SLIT2: variants seen among roughly 807,000 people sequenced by gnomAD.
SLIT2 encodes the protein slit guidance ligand 2.
In SLIT2, 41 loss-of-function variants were observed where a neutral mutation model predicts 185.7. The ratio of observed to expected loss-of-function variants is 0.22; its 90% CI spans 0.17 to 0.29. The LOEUF (loss-of-function observed/expected upper bound fraction) is 0.29, where lower values mean the gene tolerates loss of function less well. Among genes scored for constraint, SLIT2 ranks in the 10% least tolerant of loss-of-function variants. The pLI is 1.00. For synonymous variants in SLIT2, 693 were observed against 680.2 expected, an observed-to-expected ratio of 1.02 and a Z score of -0.29; for missense variants, 1,571 against 1,909.0, an observed-to-expected ratio of 0.82 and a Z score of 3.30.
chr4:20,470,177 A>G (rs950405522), intron 5 of SLIT2, among the ~76,000 whole-genome samples: 2 of 152,172 alleles, frequency 1.3e-5, no homozygotes, highest in African/African-American at 4.8e-5. Flanking sequence ...TTTCATTTGC[A>G]AGTATTTGAC....
Position 20,553,988 on chromosome 4 carries a change from G to A in SLIT2, c.2725+20G>A. On this transcript the variant is annotated intron_variant, in intron 26 of 36. Transcript: ENST00000504154. ...GTCAAGGTATGGTTTTTAATCATTT[G>A]TATTTCTTTTAAGAATTACTATATT... The A allele has an allele frequency of 6.4e-7, 1 of 1,551,054 alleles. No individual in the cohort carries two copies. The highest frequency in any genetic ancestry group is 1.2e-5 in the South Asian group (1 of 80,920).
At chr4:20,408,714 ATGAGTGAGC>A (rs1270518322) in intron 4 of SLIT2, among the ~76,000 whole-genome samples, 1 of 152,144 alleles carries the variant, frequency 6.6e-6, no homozygotes, top group Non-Finnish European at 1.5e-5. Flanking sequence ...TGAGTAAATG[ATGAGTGAGC>A]TGCAGTCTGA....
chr4:20,554,639 A>G (rs561801439), intron 26 of SLIT2, among the ~76,000 whole-genome samples: 2 of 152,300 alleles, frequency 1.3e-5, no homozygotes, highest in East Asian at 1.9e-4. Flanking sequence ...AACGACTACT[A>G]AAGTTATTGT....
chr4:20,566,452 C>T (rs1725098883), intron 26 of SLIT2, among the ~76,000 whole-genome samples: 3 of 152,036 alleles, frequency 2.0e-5, no homozygotes, highest in Admixed American at 2.0e-4. Flanking sequence ...CATTGTTAGT[C>T]ATTTGTCCAA....
In SLIT2 at chr4:20,257,858, T is replaced by C. The variant is rs373671254; in HGVS notation, c.252-10T>C. On this transcript the variant is annotated splice_polypyrimidine_tract_variant and intron_variant, in intron 2 of 36. Coordinates refer to ENST00000504154, the MANE Select transcript of SLIT2 (RefSeq NM_004787.4). ...TAACATTAAGAAGCATGTTATATTTTGCATTTCAGTCAGCTTATGGAGAAT... is the reference window on the plus strand; with the variant it reads ...TAACATTAAGAAGCATGTTATATTTCGCATTTCAGTCAGCTTATGGAGAAT... The C allele has an allele frequency of 6.9e-7, 1 of 1,448,734 alleles. No homozygotes were observed. The allele number at this position is 1,448,734 out of a possible 1,614,324, so 89.7% of individuals were successfully genotyped here.
At chr4:20,478,619 T>C (rs570348871) in intron 5 of SLIT2, among the ~76,000 whole-genome samples, 115 of 152,326 alleles carry the variant, frequency 7.5e-4, no homozygotes, top group African/African-American at 2.5e-3. Flanking sequence ...TAATAAGATA[T>C]GGGCAAACAT....
intron 4 of SLIT2, among the ~76,000 whole-genome samples, chr4:20,368,245 AAAG>A (rs1723288856): frequency 6.6e-6 from 1 of 150,590 alleles, no homozygotes; most frequent in South Asian, 2.1e-4. Flanking sequence ...GAAAAAAAAG[AAAG>A]AAAAAAGAGA....
intron 4 of SLIT2, among the ~76,000 whole-genome samples, chr4:20,311,938 T>C (rs1284907504): frequency 1.3e-5 from 2 of 152,214 alleles, no homozygotes; most frequent in African/African-American, 4.8e-5. Flanking sequence ...TGTTTACTGC[T>C]GTAAGCCACT....
chr4:20,394,256 C>T (rs1016889042), intron 4 of SLIT2, among the ~76,000 whole-genome samples: 1 of 151,634 alleles, frequency 6.6e-6, no homozygotes, highest in African/African-American at 2.4e-5. Flanking sequence ...GAAAATAAAG[C>T]CTTGAAAATT....
At chr4:20,432,572 GACTT>G (rs1729075431) in intron 4 of SLIT2, among the ~76,000 whole-genome samples, 1 of 149,644 alleles carries the variant, frequency 6.7e-6, no homozygotes, top group South Asian at 2.1e-4. Context: ...GAAGCAAAGT[GACTT>G]ACTTAATTTT....
At chr4:20,609,857 T>A (rs1010627796) in intron 33 of SLIT2, among the ~76,000 whole-genome samples, 156 bp from the exon 34 acceptor site, 1 of 152,198 alleles carries the variant, frequency 6.6e-6, no homozygotes, top group African/African-American at 2.4e-5. Flanking sequence ...TGAAAATGCC[T>A]ATTTTTGAAA....
chr4:20,595,702 A>T lies in SLIT2; in HGVS notation c.3188A>T (p.Asp1063Val), dbSNP rs1727920401. 6.2e-7 allele frequency: 1 copy of T among 1,613,956 alleles called. No homozygotes were observed. The highest frequency in any genetic ancestry group is 8.5e-7 in the Non-Finnish European group (1 of 1,179,902). The stretch of plus-strand genomic sequence containing the variant: ...TTACCTGCTTGTTCCAACAGATGTG[A>T]CTGCACACCAGGGTACGTAGGTGAA... ...CILTPKGFKC[D>V]CTPGYVGEHC... The change falls in exon 31 of 37, where the codon GAC becomes GTC. Residue 1063 changes from aspartate (D) to valine (V), a missense_variant. Around this residue, in one of 3 missense-constraint regions of SLIT2, gnomAD observed 1,202 missense variants for 1,416.4 expected, o/e 0.85. Coordinates refer to ENST00000504154, the MANE Select transcript of SLIT2 (RefSeq NM_004787.4).
intron 4 of SLIT2, among the ~76,000 whole-genome samples, chr4:20,328,089 C>G (rs531934979): frequency 6.6e-6 from 1 of 151,954 alleles, no homozygotes; most frequent in African/African-American, 2.4e-5. Context: ...CTTAGAACTA[C>G]CCTACAAGGT....
At chr4:20,589,991 C>T (rs1335160860) in intron 30 of SLIT2, among the ~76,000 whole-genome samples, 2 of 150,164 alleles carry the variant, frequency 1.3e-5, no homozygotes, top group Admixed American at 1.3e-4. Flanking sequence ...CTACAACCTC[C>T]TCCTCCCAGG....
At chr4:20,582,497 C>T (rs1726670323) in intron 29 of SLIT2, among the ~76,000 whole-genome samples, 1 of 152,178 alleles carries the variant, frequency 6.6e-6, no homozygotes, top group South Asian at 2.1e-4. Flanking sequence ...TGCTATCAAT[C>T]AGAACATGTT....
intron 3 of SLIT2, among the ~76,000 whole-genome samples, chr4:20,267,436 G>C (rs751817589): frequency 6.6e-6 from 1 of 151,696 alleles, no homozygotes; most frequent in African/African-American, 2.4e-5. Context: ...ACTTCTTTCT[G>C]AGTTCACATA....
At chr4:20,316,618 G>GA (rs538252588) in intron 4 of SLIT2, among the ~76,000 whole-genome samples, 118 of 151,670 alleles carry the variant, frequency 7.8e-4, no homozygotes, top group South Asian at 3.3e-3. Flanking sequence ...AAATCTCTGT[G>GA]AAAGTATTGC....
intron 34 of SLIT2, among the ~76,000 whole-genome samples, chr4:20,613,078 T>G (rs1031626784): frequency 6.6e-6 from 1 of 152,124 alleles, no homozygotes; most frequent in Non-Finnish European, 1.5e-5. Context: ...ATTCAGCCAT[T>G]GTGGAAAACA....
At chr4:20,369,741 A>T (rs1341603829) in intron 4 of SLIT2, among the ~76,000 whole-genome samples, 1 of 152,058 alleles carries the variant, frequency 6.6e-6, no homozygotes, top group Non-Finnish European at 1.5e-5. Context: ...CATGCTGTAT[A>T]TAAAAAGGTA....
Sources: allele counts gnomAD v4.1 joint callset (sites outside exome capture counted in the v4.1 genomes callset), GRCh38; gene constraint gnomAD v4.1.1; regional missense constraint gnomAD v4.1.1; transcripts MANE v1.5; gene names NCBI Gene and HGNC (gene_info 2026-07-23, HGNC 2026-07-21).